COMMD1: variants seen among roughly 807,000 people sequenced by gnomAD.
COMMD1 encodes copper metabolism domain containing 1, also known as COMM domain-containing protein 1.
A neutral mutation model predicts 17.2 loss-of-function variants in COMMD1; 10 were observed. That is an observed-to-expected ratio of 0.58 (90% CI 0.36 to 0.99). The LOEUF (loss-of-function observed/expected upper bound fraction) is 0.99. COMMD1 is among the 50% of genes least tolerant of loss of function. The pLI, the probability that COMMD1 is intolerant of heterozygous loss-of-function variation, is 0.01. For synonymous variants in COMMD1, 97 were observed against 91.6 expected (o/e 1.06, Z -0.34); for missense variants, 270 against 231.8 (o/e 1.17, Z -1.07).
chr2:61,889,365 C>T (rs1669359083), intron 1 of COMMD1, among the ~76,000 whole-genome samples: 1 of 151,996 alleles, frequency 6.6e-6, no homozygotes, highest in African/African-American at 2.4e-5. Flanking sequence ...CGCCACCATG[C>T]CTAGCGAATT....
At chr2:62,109,331 T>C (rs1420052318) in intron 2 of COMMD1, among the ~76,000 whole-genome samples, 1 of 152,160 alleles carries the variant, frequency 6.6e-6, no homozygotes, top group Non-Finnish European at 1.5e-5. Flanking sequence ...TTGGGGACAA[T>C]AGAATGGAAG....
chr2:62,020,797 C>T (rs184907684), intron 2 of COMMD1, among the ~76,000 whole-genome samples: 238 of 152,090 alleles, frequency 1.6e-3, no homozygotes, highest in African/African-American at 5.5e-3. Context: ...GTCAGGAGTT[C>T]GAGACCAGCC....
intron 2 of COMMD1, among the ~76,000 whole-genome samples, chr2:62,056,765 G>A (rs1670714911): frequency 6.6e-6 from 1 of 152,178 alleles, no homozygotes; most frequent in Admixed American, 6.5e-5. Flanking sequence ...GGGAAGGAAT[G>A]GATCTACCAC....
intron 1 of COMMD1, among the ~76,000 whole-genome samples, chr2:61,956,475 T>C (rs891740373): frequency 1.2e-4 from 18 of 151,690 alleles, no homozygotes; most frequent in African/African-American, 4.4e-4. Context: ...AGTGGCGTGA[T>C]CTTGACTCAC....
chr2:61,912,749 A>C (rs1669937240), intron 1 of COMMD1, among the ~76,000 whole-genome samples: 3 of 151,974 alleles, frequency 2.0e-5, no homozygotes, highest in Admixed American at 1.3e-4. Flanking sequence ...AAAAAAAAAA[A>C]CAGTTTTATT....
At chr2:61,903,910 T>G (rs554570140), upstream of COMMD1, among the ~76,000 whole-genome samples, 2 of 152,292 alleles carry the variant, frequency 1.3e-5, no homozygotes, top group African/African-American at 4.8e-5. Flanking sequence ...ATAAGACATC[T>G]TCCCATGCAG....
At chr2:62,086,567 A>C (rs1671675352) in intron 2 of COMMD1, among the ~76,000 whole-genome samples, 1 of 152,168 alleles carries the variant, frequency 6.6e-6, no homozygotes, top group Admixed American at 6.5e-5. Context: ...TGTTCGACTA[A>C]GCATTTCTGG....
chr2:61,924,461 T>G (rs1261488766), intron 1 of COMMD1, among the ~76,000 whole-genome samples: 2 of 149,948 alleles, frequency 1.3e-5, no homozygotes, highest in Admixed American at 6.7e-5. Flanking sequence ...CGGTGGAGGA[T>G]TAGGATGTTG....
chr2:61,942,012 T>TGTACAGTTTTTCCTTTATTTTAAA (rs1670761756), intron 1 of COMMD1, among the ~76,000 whole-genome samples: 1 of 152,226 alleles, frequency 6.6e-6, no homozygotes, highest in Non-Finnish European at 1.5e-5. Context: ...TAGTTTTATT[T>TGTACAGTTTTTCCTTTATTTTAAA]GTACAGTTTT....
chr2:62,014,542 C>CT lies in COMMD1; in HGVS notation c.462+13597dup, dbSNP rs67886279. On this transcript the variant is annotated intron_variant, in intron 2 of 2. Coordinates refer to ENST00000311832, the MANE Select transcript of COMMD1 (RefSeq NM_152516.4). ...CATAACAAAATTTTACCATTTTAAC[C>CT]TTTTTTTTTTTTTTTTTTTTTTTTT... Among the ~76,000 whole-genome samples the CT allele has an allele frequency of 3.0e-3, 191 of 63,568 alleles. 32 individuals carry two copies. Among genetic ancestry groups the CT allele is most frequent in the Non-Finnish European group, 3.6e-3 (138 of 38,700 alleles). The allele number at this position is 63,568 out of a possible 152,430, so 41.7% of individuals were successfully genotyped here.
chr2:61,999,840 A>G (rs1378278052), intron 1 of COMMD1, among the ~76,000 whole-genome samples: 1 of 152,126 alleles, frequency 6.6e-6, no homozygotes, highest in Non-Finnish European at 1.5e-5. Flanking sequence ...AATTTTTAAC[A>G]GTAGCTTTTC....
chr2:61,911,684 G>A (rs571024476), intron 1 of COMMD1, among the ~76,000 whole-genome samples: 6 of 152,110 alleles, frequency 3.9e-5, no homozygotes, highest in Admixed American at 3.9e-4. Context: ...TGGCCTTCCT[G>A]TTCCACTCCT....
intron 2 of COMMD1, among the ~76,000 whole-genome samples, chr2:62,019,355 A>G (rs1432784561): frequency 2.0e-5 from 3 of 151,740 alleles, no homozygotes; most frequent in African/African-American, 7.3e-5. Context: ...TTGTATTTTT[A>G]GTAGAGATGG....
At chr2:61,994,423 A>T (rs1332308832) in intron 1 of COMMD1, among the ~76,000 whole-genome samples, 1 of 152,148 alleles carries the variant, frequency 6.6e-6, no homozygotes, top group African/African-American at 2.4e-5. Flanking sequence ...TTACCATATA[A>T]TTTTTTATAT....
chr2:61,890,433 G>A (rs1049837393), intron 1 of COMMD1, among the ~76,000 whole-genome samples: 2 of 152,154 alleles, frequency 1.3e-5, no homozygotes, highest in African/African-American at 4.8e-5. Context: ...TGGACAGGGT[G>A]GTTTCGAACT....
chr2:62,130,203 C>G (rs1672992920), intron 2 of COMMD1, among the ~76,000 whole-genome samples: 1 of 148,038 alleles, frequency 6.8e-6, no homozygotes, highest in Admixed American at 6.7e-5. Context: ...CCCTTTGTGT[C>G]AACAAATGAA....
rs750900014 is a variant in COMMD1, at chr2:62,135,968, G to T, written c.*27G>T. On this transcript the variant is annotated 3_prime_UTR_variant, in exon 3 of 3. Coordinates refer to ENST00000311832, the MANE Select transcript of COMMD1 (RefSeq NM_152516.4). ...GATGATGTATGAAGGAGTTGGAGTT[G>T]TTGAAACCAAGGTGTCCATGATCCC... 2 of 1,230,574 alleles carry T rather than the reference G, an allele frequency of 1.6e-6. No homozygotes were observed. The allele number at this position is 1,230,574 out of a possible 1,614,324, so 76.2% of individuals were successfully genotyped here.
In COMMD1 at chr2:62,021,086, T is replaced by C. The variant is rs150990520; in HGVS notation, c.462+20104T>C. Reference sequence around the variant, plus strand: ...AATCTTTAGGAGGCCTTTTGTCTAATTGAATAGTACTCAGAGGCATGATCT... The same window carrying C: ...AATCTTTAGGAGGCCTTTTGTCTAACTGAATAGTACTCAGAGGCATGATCT... On this transcript the variant is annotated intron_variant, in intron 2 of 2. Transcript: ENST00000311832. Among the ~76,000 whole-genome samples, 30 of 152,314 alleles carry C rather than the reference T, an allele frequency of 2.0e-4. No homozygotes were observed. The East Asian group carries it at 4.6e-3, about 24-fold the overall frequency.
At chr2:61,986,262 A>G (rs1178075712) in intron 1 of COMMD1, among the ~76,000 whole-genome samples, 1 of 151,840 alleles carries the variant, frequency 6.6e-6, no homozygotes, top group African/African-American at 2.4e-5. Flanking sequence ...TTGGAGCTCC[A>G]TTGCATGTTA....
Sources: allele counts gnomAD v4.1 joint callset (sites outside exome capture counted in the v4.1 genomes callset), GRCh38; gene constraint gnomAD v4.1.1; transcripts MANE v1.5; gene names NCBI Gene and HGNC (gene_info 2026-07-23, HGNC 2026-07-21).